CAP1: variants seen among roughly 807,000 people sequenced by gnomAD.
CAP1 encodes cyclase associated actin cytoskeleton regulatory protein 1.
CAP1 carries 11 observed loss-of-function variants against 58.2 expected under a neutral mutation model. The observed-to-expected ratio is 0.19, with a 90% CI of 0.12 to 0.31. CAP1 has a LOEUF of 0.31. CAP1 is among the 10% of genes least tolerant of loss of function. The pLI, the probability that CAP1 is intolerant of heterozygous loss-of-function variation, is 1.00. For missense variants in CAP1, 423 were observed against 587.5 expected, an observed-to-expected ratio of 0.72 and a Z score of 2.89; for synonymous variants, 183 against 213.8, an observed-to-expected ratio of 0.86 and a Z score of 1.26.
At chr1:40,049,539 C>T (rs1330470077) in intron 1 of CAP1, among the ~76,000 whole-genome samples, 2 of 152,124 alleles carry the variant, frequency 1.3e-5, no homozygotes, top group African/African-American at 4.8e-5. Context: ...CCACAATAGA[C>T]ATTGCTGGAG....
At chr1:40,071,313 C>T (rs1358951862) in intron 12 of CAP1, 137 bp from the exon 13 acceptor site, 13 of 647,286 alleles carry the variant, frequency 2.0e-5, no homozygotes, top group Non-Finnish European at 3.6e-5. Context: ...TAGCATGGCT[C>T]TGTGGGTTTG....
Position 40,072,011 on chromosome 1 carries a change from A to G in CAP1, c.*478A>G, listed in dbSNP as rs1648132114. 1 of 407,180 alleles carries G rather than the reference A, an allele frequency of 2.5e-6. No individual in the cohort carries two copies. Among genetic ancestry groups the G allele is most frequent in the Non-Finnish European group, 4.3e-6 (1 of 230,156 alleles). The allele number at this position is 407,180 out of a possible 1,614,324, so 25.2% of individuals were successfully genotyped here. On this transcript the variant is annotated 3_prime_UTR_variant, in exon 13 of 13. Transcript: ENST00000372805. ...TTTTTCACTGTTGACAAGCGAGGCA[A>G]GGGTTGCACTGGACCAAAGGCTGAG...
At chr1:40,043,630 A>G (rs533711863) in intron 1 of CAP1, among the ~76,000 whole-genome samples, 1 of 152,310 alleles carries the variant, frequency 6.6e-6, no homozygotes, top group Non-Finnish European at 1.5e-5. Flanking sequence ...TAATCCTGAC[A>G]CTTTGGGAGG....
At chr1:40,070,340 C>T in intron 10 of CAP1, 58 bp downstream of exon 10, 1 of 1,610,944 alleles carries the variant, frequency 6.2e-7, no homozygotes, top group Non-Finnish European at 8.5e-7. Flanking sequence ...AAGGCTAATA[C>T]CATTTTACCT....
chr1:40,051,828 C>G lies in CAP1; in HGVS notation c.-10-7509C>G, dbSNP rs13375944. 5.3e-3 allele frequency among the ~76,000 whole-genome samples: 811 copies of G among 152,236 alleles called. 9 individuals carry two copies. The highest frequency in any genetic ancestry group is 0.019 in the African/African-American group (780 of 41,532). On this transcript the variant is annotated intron_variant, in intron 1 of 12. Coordinates refer to ENST00000372805, the MANE Select transcript of CAP1 (RefSeq NM_006367.4). ...TTGTGATCCGCCTGCCTCGGCCTCCCAAAGTGCTGGGATTACAGGCGTGAG... is the reference window on the plus strand; with the variant it reads ...TTGTGATCCGCCTGCCTCGGCCTCCGAAAGTGCTGGGATTACAGGCGTGAG...
Position 40,064,539 on chromosome 1 carries a change from C to T in CAP1, c.504C>T (p.Val168=). The change falls in exon 6 of 13, where the codon GTC becomes GTT. Residue 168 remains valine (V), a synonymous_variant. Transcript: ENST00000372805. The part of the protein sequence containing the change: ...NDAAMFYTNR[V]LKEYKDVDKK... ...CCGCCATGTTTTATACAAACCGAGT[C>T]CTCAAAGAGTACAAAGATGTGTAAG... is the stretch of plus-strand genomic sequence containing the variant. The T allele has an allele frequency of 6.2e-7, 1 of 1,613,002 alleles. No homozygotes were observed. The highest frequency in any genetic ancestry group is 8.5e-7 in the Non-Finnish European group (1 of 1,179,460).
upstream of CAP1, chr1:40,040,675 C>G (rs1362991483): frequency 6.5e-6 from 1 of 152,750 alleles, no homozygotes; most frequent in Non-Finnish European, 1.5e-5. Flanking sequence ...CAGCCGGCGG[C>G]TCATTTCCGG....
At chr1:40,054,892 A>G (rs1646544019) in intron 1 of CAP1, among the ~76,000 whole-genome samples, 1 of 151,914 alleles carries the variant, frequency 6.6e-6, no homozygotes, top group South Asian at 2.1e-4. Flanking sequence ...CCTGGCCTCA[A>G]GTGATTGCCT....
Position 40,059,393 on chromosome 1 carries a change from G to A in CAP1, c.47G>A (p.Gly16Asp), listed in dbSNP as rs1346359807. Reference sequence around the variant, plus strand: ...GTAGAAAGATTGGAGAGGGCAGTGGGCCGCCTGGAGGCAGTATCTCATACC... The same window carrying A: ...GTAGAAAGATTGGAGAGGGCAGTGGACCGCCTGGAGGCAGTATCTCATACC... ...NLVERLERAV[G>D]RLEAVSHTSD... The change falls in exon 2 of 13, where the codon GGC becomes GAC. Residue 16 changes from glycine to aspartate, a missense_variant. Transcript: ENST00000372805. The A allele has an allele frequency of 1.2e-6, 2 of 1,613,914 alleles. No homozygotes were observed. Among genetic ancestry groups the A allele is most frequent in the Non-Finnish European group, 1.7e-6 (2 of 1,179,828 alleles).
intron 1 of CAP1, 43 bp from the exon 2 acceptor site, chr1:40,059,294 T>G: frequency 8.5e-7 from 1 of 1,178,256 alleles, no homozygotes; most frequent in Non-Finnish European, 1.3e-6. Context: ...GTAGGTGCTA[T>G]TTAATATTTA....
chr1:40,054,193 C>CTT lies in CAP1; in HGVS notation c.-10-5131_-10-5130dup, dbSNP rs398052925. Reference sequence around the variant, plus strand: ...CAAACACCTTTATTAGCCCACTGTTCTTTTTTTTTTTTTTGGAAACATAAT... The same window carrying CTT: ...CAAACACCTTTATTAGCCCACTGTTCTTTTTTTTTTTTTTTTGGAAACATAAT... On this transcript the variant is annotated intron_variant, in intron 1 of 12. Coordinates refer to ENST00000372805, the MANE Select transcript of CAP1 (RefSeq NM_006367.4). Among the ~76,000 whole-genome samples, 480 of 136,392 alleles carry CTT rather than the reference C, an allele frequency of 3.5e-3. 10 individuals are homozygous for CTT. The highest frequency in any genetic ancestry group is 0.012 in the African/African-American group (452 of 36,772). The allele number at this position is 136,392 out of a possible 152,430, so 89.5% of individuals were successfully genotyped here.
Position 40,064,379 on chromosome 1 carries a change from C to T in CAP1, c.438+9C>T, listed in dbSNP as rs368032437. 22 of 1,613,870 alleles carry T rather than the reference C, an allele frequency of 1.4e-5. No individual in the cohort carries two copies. The highest frequency in any genetic ancestry group is 4.5e-5 in the East Asian group (2 of 44,890). ...TGGGCTGGGTGGCTATGGTGAGCAG[C>T]GCAGATTCCAGGGCTGGGGGTGGGT... On this transcript the variant is annotated intron_variant, in intron 5 of 12. Transcript: ENST00000372805.
chr1:40,047,409 T>G (rs554483146), intron 1 of CAP1, among the ~76,000 whole-genome samples: 2 of 152,230 alleles, frequency 1.3e-5, no homozygotes, highest in South Asian at 4.1e-4. Flanking sequence ...ATAGTTGAAA[T>G]GTTTAATGGA....
chr1:40,067,466 A>G, intron 7 of CAP1, 74 bp from the exon 8 acceptor site: 1 of 1,329,134 alleles, frequency 7.5e-7, no homozygotes, highest in Non-Finnish European at 1.0e-6. Flanking sequence ...GCACTGGCCC[A>G]TGTAGGGCAC....
chr1:40,052,050 T>G (rs185036215), intron 1 of CAP1, among the ~76,000 whole-genome samples: 7 of 152,304 alleles, frequency 4.6e-5, no homozygotes, highest in African/African-American at 1.7e-4. Context: ...AGCACTTTGA[T>G]TTTATTAGCA....
chr1:40,059,909 G>GT (rs1220474981), intron 2 of CAP1, among the ~76,000 whole-genome samples, 158 bp from the exon 3 acceptor site: 1 of 152,218 alleles, frequency 6.6e-6, no homozygotes, highest in African/African-American at 2.4e-5. Context: ...CACACAACCA[G>GT]TTAGTGGTGA....
chr1:40,070,992 A>G lies in CAP1; in HGVS notation c.1344+13A>G. 1 of 1,605,830 alleles carries G rather than the reference A, an allele frequency of 6.2e-7. No homozygotes were observed. Among genetic ancestry groups the G allele is most frequent in the South Asian group, 1.1e-5 (1 of 90,322 alleles). Reference sequence around the variant, plus strand: ...AGGCGGTGACTTTGTAAGTTTCTTGATCTCTTTAGTATGATGTTAAAAACA... The same window carrying G: ...AGGCGGTGACTTTGTAAGTTTCTTGGTCTCTTTAGTATGATGTTAAAAACA... On this transcript the variant is annotated intron_variant, in intron 12 of 12. Coordinates refer to ENST00000372805, the MANE Select transcript of CAP1 (RefSeq NM_006367.4).
chr1:40,069,971 G>A (rs1235201754), intron 9 of CAP1, 97 bp downstream of exon 9: 73 of 1,412,136 alleles, frequency 5.2e-5, no homozygotes, highest in East Asian at 7.3e-5. Context: ...GTGCAGTGGC[G>A]CGATTTCGGC....
rs764291517 is a variant in CAP1, at chr1:40,070,964, A to T, written c.1329A>T (p.Thr443=). 6.2e-7 allele frequency: 1 copy of T among 1,612,194 alleles called. No individual in the cohort carries two copies. Among genetic ancestry groups the T allele is most frequent in the Non-Finnish European group, 8.5e-7 (1 of 1,179,394 alleles). ...KSSEMNVLIP[T]EGGDFNEFPV... ...CCGAGATGAATGTCCTCATTCCTAC[A>T]GAAGGCGGTGACTTTGTAAGTTTCT... is the stretch of plus-strand genomic sequence containing the variant. The change falls in exon 12 of 13, where the codon ACA becomes ACT. Residue 443 remains threonine, a synonymous_variant. Coordinates refer to ENST00000372805, the MANE Select transcript of CAP1 (RefSeq NM_006367.4).
Sources: allele counts gnomAD v4.1 joint callset (sites outside exome capture counted in the v4.1 genomes callset), GRCh38; gene constraint gnomAD v4.1.1; transcripts MANE v1.5; gene names NCBI Gene and HGNC (gene_info 2026-07-23, HGNC 2026-07-21).